Variants in PDE4D observed in about 807,000 individuals in gnomAD.
PDE4D encodes the protein 3',5'-cyclic-AMP phosphodiesterase 4D.
Under a neutral mutation model 87.4 loss-of-function variants are expected in PDE4D, and 24 were observed. The observed-to-expected ratio is 0.27, with a 90% CI of 0.20 to 0.39. PDE4D has a LOEUF of 0.39. Among genes scored for constraint, PDE4D ranks in the 10% least tolerant of loss-of-function variants. The pLI is 1.00. For synonymous variants in PDE4D, 384 were observed against 383.2 expected (o/e 1.00, Z -0.02); for missense variants, 714 against 1,041.0 (o/e 0.69, Z 4.32).
chr5:60,211,215 C>T (rs1458495037), intron 1 of PDE4D, among the ~76,000 whole-genome samples: 5 of 152,188 alleles, frequency 3.3e-5, no homozygotes, highest in African/African-American at 1.2e-4. Flanking sequence ...CCCAGGGACC[C>T]TCACATTAGC....
At chr5:60,105,264 G>A (rs1035219281) in intron 2 of PDE4D, among the ~76,000 whole-genome samples, 2 of 152,170 alleles carry the variant, frequency 1.3e-5, no homozygotes, top group Non-Finnish European at 2.9e-5. Context: ...GGGTATCAGT[G>A]ATGGAAGATG....
At chr5:59,541,689 T>A (rs1816379090) in intron 1 of PDE4D, among the ~76,000 whole-genome samples, 1 of 152,222 alleles carries the variant, frequency 6.6e-6, no homozygotes, top group African/African-American at 2.4e-5. Flanking sequence ...TCAATGGGAT[T>A]GATACTATTA....
intron 1 of PDE4D, among the ~76,000 whole-genome samples, chr5:60,240,239 G>A (rs886353087): frequency 1.3e-5 from 2 of 152,014 alleles, no homozygotes; most frequent in Non-Finnish European, 1.5e-5. Context: ...GCAAGATGGT[G>A]GAATAGAAGG....
chr5:60,133,163 C>T lies in PDE4D; in HGVS notation c.42+52394G>A, dbSNP rs530804801. Among the ~76,000 whole-genome samples the T allele has an allele frequency of 1.1e-4, 17 of 152,136 alleles. 1 individual carries two copies. In the South Asian group the frequency reaches 2.7e-3, roughly 24 times the overall value. The stretch of plus-strand genomic sequence containing the variant: ...CTAACTTCTTTGAGTTCTCAGTGTC[C>T]TCATATCTATCAAATAAAGAGGATG... On this transcript the variant is annotated intron_variant, in intron 2 of 16. Transcript: ENST00000502484.
chr5:60,394,166 G>T (rs141944079), intron 1 of PDE4D, among the ~76,000 whole-genome samples: 37 of 152,242 alleles, frequency 2.4e-4, no homozygotes, highest in African/African-American at 8.7e-4. Context: ...AAGTAGGTCT[G>T]TCCTATACTT....
At chr5:59,870,156 T>G (rs971189061) in intron 1 of PDE4D, among the ~76,000 whole-genome samples, 2 of 152,224 alleles carry the variant, frequency 1.3e-5, no homozygotes, top group African/African-American at 4.8e-5. Context: ...CTAAGGAACA[T>G]TTCTTCTTTT....
intron 2 of PDE4D, among the ~76,000 whole-genome samples, chr5:60,006,285 A>C (rs1473534135): frequency 3.3e-5 from 5 of 149,614 alleles, no homozygotes; most frequent in African/African-American, 1.3e-4. Flanking sequence ...TGGCAAAAAA[A>C]CACAATTACT....
intron 1 of PDE4D, among the ~76,000 whole-genome samples, chr5:59,713,690 G>A (rs186660517): frequency 1.1e-4 from 17 of 152,328 alleles, no homozygotes; most frequent in African/African-American, 4.1e-4. Flanking sequence ...CAGCTGTGCT[G>A]CAAGGGTGAA....
chr5:59,155,706 C>T (rs1014435326), intron 5 of PDE4D, among the ~76,000 whole-genome samples: 18 of 152,006 alleles, frequency 1.2e-4, no homozygotes, highest in South Asian at 4.1e-4. Flanking sequence ...GGAAAACAGA[C>T]GAAGCAAGGA....
At chr5:60,260,988 T>C (rs1184696358) in intron 1 of PDE4D, among the ~76,000 whole-genome samples, 2 of 152,100 alleles carry the variant, frequency 1.3e-5, no homozygotes, top group Non-Finnish European at 2.9e-5. Context: ...CCAGAGACTG[T>C]CTCTCATTCT....
chr5:60,443,576 A>G (rs1745410233), intron 1 of PDE4D, among the ~76,000 whole-genome samples: 1 of 152,184 alleles, frequency 6.6e-6, no homozygotes, highest in African/African-American at 2.4e-5. Context: ...GATGAACTTA[A>G]CATTCTCAAA....
intron 2 of PDE4D, among the ~76,000 whole-genome samples, chr5:60,025,689 G>A (rs913654757): frequency 9.9e-5 from 15 of 151,936 alleles, no homozygotes; most frequent in African/African-American, 3.4e-4. Context: ...CTCATGGTTA[G>A]AATTTTCTAA....
At chr5:60,012,997 C>A (rs1002355493) in intron 2 of PDE4D, among the ~76,000 whole-genome samples, 4 of 152,182 alleles carry the variant, frequency 2.6e-5, no homozygotes, top group Non-Finnish European at 5.9e-5. Flanking sequence ...CGCCCCATAG[C>A]TATTTGTCTC....
chr5:60,250,885 C>G (rs1748356446), intron 1 of PDE4D, among the ~76,000 whole-genome samples: 1 of 151,946 alleles, frequency 6.6e-6, no homozygotes, highest in Non-Finnish European at 1.5e-5. Context: ...ACGATGGCAG[C>G]TCCTTGCATG....
At chr5:59,842,967 T>C (rs1316162451) in intron 1 of PDE4D, among the ~76,000 whole-genome samples, 5 of 152,052 alleles carry the variant, frequency 3.3e-5, no homozygotes, top group African/African-American at 4.8e-5. Context: ...AATTTCAATT[T>C]CTAGAAAACA....
chr5:60,257,216 AAGAAAG>A (rs1407511519), intron 1 of PDE4D, among the ~76,000 whole-genome samples: 1 of 86,060 alleles, frequency 1.2e-5, no homozygotes, highest in East Asian at 3.8e-4. Flanking sequence ...GAATGAAAGA[AAGAAAG>A]AGAAAGAAAG....
chr5:60,110,715 G>A (rs1046517599), intron 2 of PDE4D, among the ~76,000 whole-genome samples: 19 of 151,950 alleles, frequency 1.3e-4, no homozygotes, highest in African/African-American at 2.4e-4. Context: ...TGTTTATTGC[G>A]GCACTACTTA....
At chr5:59,601,827 G>A (rs1441177125) in intron 1 of PDE4D, among the ~76,000 whole-genome samples, 7 of 152,016 alleles carry the variant, frequency 4.6e-5, no homozygotes, top group African/African-American at 1.7e-4. Flanking sequence ...TGTACTGCTA[G>A]GTTAATAGAA....
chr5:59,611,371 G>A (rs1828984661), intron 1 of PDE4D, among the ~76,000 whole-genome samples: 1 of 152,078 alleles, frequency 6.6e-6, no homozygotes, highest in Non-Finnish European at 1.5e-5. Context: ...CCATGATATT[G>A]GGGGTGAGGA....
Sources: gnomAD v4.1 joint callset for allele counts (sites outside exome capture counted in the v4.1 genomes callset) on GRCh38, gnomAD v4.1.1 for gene constraint, MANE v1.5 for transcripts, NCBI Gene and HGNC (gene_info 2026-07-23, HGNC 2026-07-21) for gene names.